Variants in ZNF518B observed in about 807,000 individuals in gnomAD.
ZNF518B encodes the protein zinc finger protein 518B.
ZNF518B carries 23 observed loss-of-function variants against 56.3 expected under a neutral mutation model. The ratio of observed to expected loss-of-function variants is 0.41; its 90% confidence interval spans 0.29 to 0.58. The LOEUF is 0.58. Ranked by LOEUF, ZNF518B falls within the 20% of genes least tolerant of loss-of-function variation. The probability of loss-of-function intolerance (pLI) is 0.32; values close to 1 mark genes in which losing one functional copy is unlikely to be tolerated. For synonymous variants in ZNF518B, 529 were observed against 465.9 expected, an observed-to-expected ratio of 1.14 and a Z score of -1.74; for missense variants, 1,460 against 1,272.1, an observed-to-expected ratio of 1.15 and a Z score of -2.25.
At chr4:10,456,192 G>GT (rs563881387) in intron 1 of ZNF518B, among the ~76,000 whole-genome samples, 1,916 of 146,204 alleles carry the variant, frequency 0.013, 11 homozygotes, top group Middle Eastern at 0.046. Context: ...ATGCTCTGTA[G>GT]TTTTTTTTTT....
rs202013413 is a variant in ZNF518B at position 10,445,783 on chromosome 4, C to T, written c.546G>A (p.Val182=). Residue 182 remains valine (V), a synonymous_variant, in exon 3 of 3, where the codon GTG becomes GTA. Coordinates refer to ENST00000326756, the MANE Select transcript of ZNF518B (RefSeq NM_053042.3). ...YTKGEFQRHL[V]KHTGIFPYQC... ...GATAAGGAAATATGCCTGTGTGTTT[C>T]ACCAAATGCCTCTGAAACTCTCCTT... 4.8e-5 allele frequency: 77 copies of T among 1,614,210 alleles called. No individual in the cohort carries two copies. Among genetic ancestry groups the T allele is most frequent in the Non-Finnish European group, 6.5e-5 (77 of 1,180,044 alleles).
rs776595906 is a variant in ZNF518B, at chr4:10,444,328, T to C, written c.2001A>G (p.Arg667=). The change falls in exon 3 of 3, where the codon AGA becomes AGG. Residue 667 remains arginine (R), a synonymous_variant. Transcript: ENST00000326756. ...AGGACTCAATTAACTGAGCTATCTT[T>C]CTGCGCAACAGTTCAATTGACTTTA... is the stretch of plus-strand genomic sequence containing the variant. ...SKIKSIELLR[R]KIAQLIESCG... The C allele has an allele frequency of 1.4e-5, 22 of 1,614,106 alleles. No individual in the cohort carries two copies. In the Middle Eastern group the frequency reaches 1.8e-3, roughly 133 times the overall value.
At position 10,446,226 on chromosome 4, in the gene ZNF518B, G is replaced by A; in HGVS notation, c.103C>T (p.Pro35Ser). 6.2e-7 allele frequency: 1 copy of A among 1,614,194 alleles called. No individual in the cohort carries two copies. Among genetic ancestry groups the A allele is most frequent in the Non-Finnish European group, 8.5e-7 (1 of 1,180,046 alleles). The part of the protein sequence containing the change: ...KQPDANGAPR[P>S]NRQEAQTLLY... ...AGGGTTTGTGCTTCTTGTCTATTTG[G>A]CCGAGGTGCTCCATTAGCATCAGGC... Residue 35 changes from proline (P) to serine (S), a missense_variant, in exon 3 of 3, where the codon CCA becomes TCA. Physicochemically the swap from Pro to Ser is moderately conservative, Grantham distance 74. Coordinates refer to ENST00000326756, the MANE Select transcript of ZNF518B (RefSeq NM_053042.3).
At position 10,444,653 on chromosome 4, in the gene ZNF518B, A is replaced by G. The variant is rs372651158; in HGVS notation, c.1676T>C (p.Val559Ala). 43 of 1,614,068 alleles carry G rather than the reference A, an allele frequency of 2.7e-5. No individual in the cohort carries two copies. Among genetic ancestry groups the G allele is most frequent in the Non-Finnish European group, 3.5e-5 (41 of 1,180,038 alleles). ...SENDLESTSK[V>A]NIPVKVVSSN... is the part of the protein sequence containing the mutation. Reference sequence around the variant, plus strand: ...GGAAACCACTTTTACAGGAATATTGACTTTACTTGTAGATTCCAAGTCATT... The same window carrying G: ...GGAAACCACTTTTACAGGAATATTGGCTTTACTTGTAGATTCCAAGTCATT... The change falls in exon 3 of 3, where the codon GTC (valine) becomes GCC (alanine). Residue 559 changes from valine (V) to alanine (A), a missense_variant. Transcript: ENST00000326756.
Position 10,446,529 on chromosome 4 carries a change from T to G in ZNF518B, c.-201A>C, listed in dbSNP as rs1262474852. ...ATGACTGCTTTCAGCTCTCTGACAT[T>G]CCAGGTAACACTAAAGGAAAACAAA... is the stretch of plus-strand genomic sequence containing the variant. On this transcript the variant is annotated 5_prime_UTR_variant, in exon 3 of 3. Transcript: ENST00000326756. 4 of 530,918 alleles carry G rather than the reference T, an allele frequency of 7.5e-6. No individual in the cohort carries two copies. The African/African-American group carries it at 7.5e-5, about 10-fold the overall frequency. 32.9% of individuals were successfully genotyped at this position (530,918 alleles called of 1,614,324 possible). A position where few individuals can be genotyped will look rare whatever the true frequency, so the allele number is the denominator to read the frequency against.
chr4:10,459,731 C>T (rs766048107), upstream of ZNF518B, among the ~76,000 whole-genome samples: 6 of 152,272 alleles, frequency 3.9e-5, no homozygotes, highest in Middle Eastern at 3.4e-3. Flanking sequence ...TTGGAGTACA[C>T]AGCCACAAAC....
rs778305859 is a variant in ZNF518B, at chr4:10,445,795, C to G, written c.534G>C (p.Gln178His). 7 of 1,614,212 alleles carry G rather than the reference C, an allele frequency of 4.3e-6. No homozygotes were observed. The South Asian group carries it at 7.7e-5, about 18-fold the overall frequency. The part of the protein sequence containing the change: ...SYISYTKGEF[Q>H]RHLVKHTGIF... ...TGCCTGTGTGTTTCACCAAATGCCT[C>G]TGAAACTCTCCTTTCGTATACGAAA... The change falls in exon 3 of 3, where the codon CAG (glutamine) becomes CAC (histidine). Residue 178 changes from glutamine to histidine, a missense_variant. Coordinates refer to ENST00000326756, the MANE Select transcript of ZNF518B (RefSeq NM_053042.3).
chr4:10,443,704 CTTAT>C lies in ZNF518B; in HGVS notation c.2621_2624del (p.Asn874SerfsTer12), dbSNP rs531025171. The C allele has an allele frequency of 6.2e-7, 1 of 1,614,144 alleles. No individual in the cohort carries two copies. The highest frequency in any genetic ancestry group is 8.5e-7 in the Non-Finnish European group (1 of 1,180,028). ...GACTTCTGGAAAGCAGTCTCCCTTG[CTTAT>C]TTAATTCACTGCTTCCTTGCTGTCC... On this transcript the variant is annotated frameshift_variant, in exon 3 of 3. Transcript: ENST00000326756. LOFTEE classifies it high-confidence loss of function.
chr4:10,442,666 CAAATT>C lies in ZNF518B; in HGVS notation c.*433_*437del, dbSNP rs111308629. ...CATTGTGCACCAAATACTCAGAACA[CAAATT>C]AAAGCAAAAACAAAATGGATGTGCA... On this transcript the variant is annotated 3_prime_UTR_variant, in exon 3 of 3. Transcript: ENST00000326756. 0.012 allele frequency: 1,930 copies of C among 159,546 alleles called. 42 individuals are homozygous for C. Among genetic ancestry groups the C allele is most frequent in the African/African-American group, 0.043 (1,796 of 41,612 alleles). The allele number at this position is 159,546 out of a possible 1,614,324, so 9.9% of individuals were successfully genotyped here.
At position 10,446,237 on chromosome 4, in the gene ZNF518B, C is replaced by CCAAT; in HGVS notation, c.91_92insATTG (p.Gly31AspfsTer8). On this transcript the variant is annotated frameshift_variant, in exon 3 of 3. Coordinates refer to ENST00000326756, the MANE Select transcript of ZNF518B (RefSeq NM_053042.3). LOFTEE classifies it low-confidence loss of function (END_TRUNC). ...TTCTTGTCTATTTGGCCGAGGTGCT[C>CCAAT]CATTAGCATCAGGCTGTTTGGGTGA... 1 of 1,614,152 alleles carries CCAAT rather than the reference C, an allele frequency of 6.2e-7. No homozygotes were observed. The highest frequency in any genetic ancestry group is 8.5e-7 in the Non-Finnish European group (1 of 1,180,030).
rs1250564233 is a variant in ZNF518B at position 10,446,113 on chromosome 4, T to C, written c.216A>G (p.Gln72=). The stretch of plus-strand genomic sequence containing the variant: ...CCTTCCCTGTACCCTTCTGCAAATC[T>C]TGAAGAGAGATCTTGTGAACACTTT... ...KCKSVHKISL[Q]DLQKGTGKDG... The change falls in exon 3 of 3, where the codon CAA becomes CAG. Residue 72 remains glutamine, a synonymous_variant. Coordinates refer to ENST00000326756, the MANE Select transcript of ZNF518B (RefSeq NM_053042.3). 2 of 1,614,196 alleles carry C rather than the reference T, an allele frequency of 1.2e-6. No homozygotes were observed. The highest frequency in any genetic ancestry group is 1.7e-5 in the Admixed American group (1 of 60,022).
chr4:10,453,674 C>T (rs1282506400), intron 2 of ZNF518B: 2 of 152,038 alleles, frequency 1.3e-5, no homozygotes, highest in Non-Finnish European at 2.9e-5. Context: ...TGTCATGAAG[C>T]ACATCAAATG....
intron 1 of ZNF518B, among the ~76,000 whole-genome samples, chr4:10,456,813 TGAC>T (rs1314587634): frequency 2.0e-5 from 3 of 152,098 alleles, no homozygotes; most frequent in Non-Finnish European, 4.4e-5. Flanking sequence ...AATGGCCTCC[TGAC>T]GACACTTCCT....
At chr4:10,461,272 C>T (rs1336586076), upstream of ZNF518B, among the ~76,000 whole-genome samples, 3 of 152,248 alleles carry the variant, frequency 2.0e-5, no homozygotes, top group Non-Finnish European at 4.4e-5. Context: ...CGCCCTTTCC[C>T]GCCCTGCGGC....
intron 2 of ZNF518B, among the ~76,000 whole-genome samples, chr4:10,447,839 G>C (rs1015352680): frequency 1.3e-5 from 2 of 152,062 alleles, no homozygotes; most frequent in Non-Finnish European, 2.9e-5. Flanking sequence ...AGTAGAGACA[G>C]GGTTTCTCCA....
At chr4:10,455,607 C>G (rs986665594) in intron 1 of ZNF518B, among the ~76,000 whole-genome samples, 1 of 146,822 alleles carries the variant, frequency 6.8e-6, no homozygotes, top group Non-Finnish European at 1.5e-5. Context: ...CTCTAGAGAT[C>G]TAAATGGATT....
In ZNF518B at chr4:10,444,719, C is replaced by G. The variant is rs765254169; in HGVS notation, c.1610G>C (p.Cys537Ser). Residue 537 changes from cysteine to serine, a missense_variant, in exon 3 of 3, where the codon TGT becomes TCT. By Grantham distance (112) the Cys-to-Ser change is moderately radical. Transcript: ENST00000326756. ...TAAGCCCTTTTCTCCAGAGAAGGAACAGGTTGCAGGTGATGCAGCAAATGG... is the reference window on the plus strand; with the variant it reads ...TAAGCCCTTTTCTCCAGAGAAGGAAGAGGTTGCAGGTGATGCAGCAAATGG... ...LLPFAASPAT[C>S]SFSGEKGLLP... 6.2e-7 allele frequency: 1 copy of G among 1,614,122 alleles called. No homozygotes were observed. Among genetic ancestry groups the G allele is most frequent in the Non-Finnish European group, 8.5e-7 (1 of 1,180,006 alleles).
intron 2 of ZNF518B, chr4:10,451,197 T>C (rs1182198472): frequency 6.6e-6 from 1 of 152,130 alleles, no homozygotes; most frequent in African/African-American, 2.4e-5. Context: ...ACAAACAAAG[T>C]ATCGAGTTTG....
At position 10,443,737 on chromosome 4, in the gene ZNF518B, C is replaced by G; in HGVS notation, c.2592G>C (p.Leu864Phe). The change falls in exon 3 of 3, where the codon TTG becomes TTC. Residue 864 changes from leucine (L) to phenylalanine (F), a missense_variant. Leu to Phe is a conservative substitution (Grantham distance 22, BLOSUM62 0). Transcript: ENST00000326756. Reference protein sequence around the residue: ...CSTIHRKTGLLYGQQGSSELN... With the variant: ...CSTIHRKTGLFYGQQGSSELN... The stretch of plus-strand genomic sequence containing the variant: ...ATTCACTGCTTCCTTGCTGTCCATA[C>G]AAGAGGCCAGTTTTTCTATGGATGG... 2 of 1,614,196 alleles carry G rather than the reference C, an allele frequency of 1.2e-6. No individual in the cohort carries two copies. Among genetic ancestry groups the G allele is most frequent in the Non-Finnish European group, 1.7e-6 (2 of 1,180,040 alleles).
Sources: allele counts gnomAD v4.1 joint callset (sites outside exome capture counted in the v4.1 genomes callset), GRCh38; gene constraint gnomAD v4.1.1; transcripts MANE v1.5; gene names NCBI Gene and HGNC (gene_info 2026-07-23, HGNC 2026-07-21).